COL24A1: variants seen among roughly 807,000 people sequenced by gnomAD.
The protein encoded by COL24A1 is collagen type XXIV alpha 1 chain, also known as collagen alpha-1(XXIV) chain.
COL24A1 carries 224 observed loss-of-function variants against 253.9 expected under a neutral mutation model. The ratio of observed to expected loss-of-function variants is 0.88; its 90% CI spans 0.79 to 0.99. The LOEUF (loss-of-function observed/expected upper bound fraction) is 0.99. Among genes scored for constraint, COL24A1 ranks in the 50% least tolerant of loss-of-function variants. The pLI, the probability that COL24A1 is intolerant of heterozygous loss-of-function variation, is 0.00. For missense variants in COL24A1, 2,131 were observed against 2,068.5 expected (o/e 1.03, Z -0.59); for synonymous variants, 685 against 673.7 (o/e 1.02, Z -0.26).
rs553657031 is a variant in COL24A1, at chr1:86,032,885, T to A, written c.2005-963A>T. Among the ~76,000 whole-genome samples the A allele has an allele frequency of 2.5e-4, 38 of 152,188 alleles. 1 individual carries two copies. Among genetic ancestry groups the A allele is most frequent in the African/African-American group, 8.7e-4 (36 of 41,540 alleles). ...TCATGGATAGTAACTGACAAAAAAT[T>A]ATGTAAAATGGCTTCACACTAGGTA... On this transcript the variant is annotated intron_variant, in intron 13 of 59. Transcript: ENST00000370571.
intron 24 of COL24A1, among the ~76,000 whole-genome samples, chr1:85,950,812 T>C (rs776878182): frequency 6.6e-6 from 1 of 152,162 alleles, no homozygotes; most frequent in Non-Finnish European, 1.5e-5. Context: ...AGTATAGAAG[T>C]GATACTGGCA....
intron 11 of COL24A1, among the ~76,000 whole-genome samples, chr1:86,048,347 A>AAAAAAGGG (rs1389958411): frequency 2.0e-5 from 3 of 152,268 alleles, no homozygotes; most frequent in Admixed American, 2.0e-4. Context: ...GTACTTAAAC[A>AAAAAAGGG]TTTTATAACG....
chr1:85,999,787 A>C (rs191571494), intron 19 of COL24A1, among the ~76,000 whole-genome samples: 6 of 152,298 alleles, frequency 3.9e-5, no homozygotes, highest in Non-Finnish European at 8.8e-5. Context: ...GACCAGTATG[A>C]GCAAAAACCA....
chr1:85,830,060 A>G (rs1307874963), intron 43 of COL24A1, among the ~76,000 whole-genome samples: 3 of 151,662 alleles, frequency 2.0e-5, no homozygotes, highest in Non-Finnish European at 2.9e-5. Context: ...GGTTTTATCT[A>G]CTTTTGGTCT....
intron 5 of COL24A1, among the ~76,000 whole-genome samples, chr1:86,097,103 A>T (rs1387490721): frequency 6.6e-6 from 1 of 152,120 alleles, no homozygotes; most frequent in African/African-American, 2.4e-5. Flanking sequence ...TATACCCAGG[A>T]TAATTTCCAT....
intron 58 of COL24A1, chr1:85,736,357 C>T: frequency 2.2e-6 from 1 of 456,316 alleles, no homozygotes. Context: ...TTCCCCACTG[C>T]TCCTATTTCC....
chr1:85,924,740 C>G (rs961698298), intron 24 of COL24A1, among the ~76,000 whole-genome samples: 1 of 152,172 alleles, frequency 6.6e-6, no homozygotes, highest in East Asian at 1.9e-4. Context: ...AAACTGGAAG[C>G]ATTCCCTTTG....
At chr1:85,767,229 A>G (rs2101201856) in intron 53 of COL24A1, among the ~76,000 whole-genome samples, 1 of 152,286 alleles carries the variant, frequency 6.6e-6, no homozygotes, top group South Asian at 2.1e-4. Flanking sequence ...GTCTTAGCTA[A>G]TAAAATCCAT....
intron 7 of COL24A1, among the ~76,000 whole-genome samples, chr1:86,064,998 C>G (rs947980559): frequency 6.6e-6 from 1 of 152,026 alleles, no homozygotes; most frequent in Non-Finnish European, 1.5e-5. Context: ...TAAAAATATC[C>G]ACAAAGCTAA....
At chr1:85,733,931 C>T (rs1315586784) in intron 59 of COL24A1, among the ~76,000 whole-genome samples, 8 of 140,202 alleles carry the variant, frequency 5.7e-5, no homozygotes, top group East Asian at 2.2e-4. Context: ...GAGACAGAGT[C>T]TTACTCTGCT....
intron 8 of COL24A1, 55 bp downstream of exon 8, chr1:86,063,660 C>A: frequency 7.7e-7 from 1 of 1,297,638 alleles, no homozygotes. Context: ...CAAAGGAGTT[C>A]TCTAACATGT....
intron 47 of COL24A1, among the ~76,000 whole-genome samples, chr1:85,791,898 C>T (rs556247343): frequency 1.2e-4 from 18 of 152,014 alleles, no homozygotes; most frequent in Non-Finnish European, 2.2e-4. Flanking sequence ...GCACCCTCCC[C>T]AATAAAACAG....
At chr1:86,029,059 G>C (rs79878175) in intron 14 of COL24A1, among the ~76,000 whole-genome samples, 1,804 of 152,080 alleles carry the variant, frequency 0.012, 38 homozygotes, top group African/African-American at 0.041. Flanking sequence ...ACTGCATGAA[G>C]AGCATCTTTG....
rs1651839315 is a variant in COL24A1 at position 86,146,118 on chromosome 1, C to T, written c.121+1G>A. On this transcript the variant is annotated splice_donor_variant, in intron 2 of 59. Transcript: ENST00000370571. LOFTEE classifies it high-confidence loss of function. ...AATAAATTAAAAGGTAATTTTCTTACCTTGTTCTTGTGCATGAACAACCAC... is the reference window on the plus strand; with the variant it reads ...AATAAATTAAAAGGTAATTTTCTTATCTTGTTCTTGTGCATGAACAACCAC... The T allele has an allele frequency of 1.2e-6, 2 of 1,608,440 alleles. No homozygotes were observed. The highest frequency in any genetic ancestry group is 4.5e-5 in the East Asian group (2 of 44,726).
intron 57 of COL24A1, among the ~76,000 whole-genome samples, chr1:85,737,987 A>G (rs1664232520): frequency 6.6e-6 from 1 of 152,234 alleles, no homozygotes; most frequent in East Asian, 1.9e-4. Flanking sequence ...TAAAATTGAT[A>G]CTAAAAATGC....
At chr1:85,997,205 GA>G (rs1694909920) in intron 19 of COL24A1, among the ~76,000 whole-genome samples, 1 of 151,510 alleles carries the variant, frequency 6.6e-6, no homozygotes, top group Non-Finnish European at 1.5e-5. Flanking sequence ...TTCCTTTGGA[GA>G]AAGGAGAGTG....
At chr1:85,738,181 G>T (rs1290142445) in intron 57 of COL24A1, among the ~76,000 whole-genome samples, 2 of 152,086 alleles carry the variant, frequency 1.3e-5, no homozygotes, top group Non-Finnish European at 2.9e-5. Context: ...ACTTAATGAA[G>T]TATATGTGTA....
intron 28 of COL24A1, among the ~76,000 whole-genome samples, chr1:85,902,235 T>C (rs763959498): frequency 6.6e-6 from 1 of 152,152 alleles, no homozygotes; most frequent in Non-Finnish European, 1.5e-5. Flanking sequence ...CAGCAAGCAA[T>C]AAAGATCCCT....
chr1:86,076,771 G>T (rs564534013), intron 7 of COL24A1, among the ~76,000 whole-genome samples: 1 of 152,308 alleles, frequency 6.6e-6, no homozygotes, highest in Admixed American at 6.5e-5. Flanking sequence ...AAATGGTGTT[G>T]GGAAAACTGG....
Sources: allele counts gnomAD v4.1 joint callset (sites outside exome capture counted in the v4.1 genomes callset), GRCh38; gene constraint gnomAD v4.1.1; transcripts MANE v1.5; gene names NCBI Gene and HGNC (gene_info 2026-07-23, HGNC 2026-07-21).